Variants in ASTN2 observed in about 807,000 individuals in gnomAD.
ASTN2 encodes the protein astrotactin 2, also known as astrotactin-2.
A neutral mutation model predicts 139.8 loss-of-function variants in ASTN2; 54 were observed. The ratio of observed to expected loss-of-function variants is 0.39; its 90% confidence interval spans 0.31 to 0.48. The LOEUF (loss-of-function observed/expected upper bound fraction) is 0.48, where lower values mean the gene tolerates loss of function less well. Ranked by LOEUF, ASTN2 falls within the 20% of genes least tolerant of loss-of-function variation. The pLI is 0.95. For missense variants in ASTN2, 1,565 were observed against 1,725.1 expected, an observed-to-expected ratio of 0.91 and a Z score of 1.64; for synonymous variants, 756 against 719.5, an observed-to-expected ratio of 1.05 and a Z score of -0.81.
In ASTN2 at chr9:116,691,263, T is replaced by C. The variant is rs569540984; in HGVS notation, c.2806+34508A>G. Among the ~76,000 whole-genome samples, 4 of 152,280 alleles carry C rather than the reference T, an allele frequency of 2.6e-5. No individual in the cohort carries two copies. In the East Asian group the frequency reaches 7.7e-4, roughly 29 times the overall value. ...CTCATGATTAAATGAACAGATGTTA[T>C]ATGCAGAGAAAGGAATTGAAAGAGA... On this transcript the variant is annotated intron_variant, in intron 16 of 22. Coordinates refer to ENST00000313400, the MANE Select transcript of ASTN2 (RefSeq NM_001365068.1).
At chr9:116,816,078 C>A (rs1372613044) in intron 12 of ASTN2, among the ~76,000 whole-genome samples, 1 of 152,080 alleles carries the variant, frequency 6.6e-6, no homozygotes, top group Non-Finnish European at 1.5e-5. Flanking sequence ...TCATTTTGAG[C>A]TTCTGAAACC....
intron 13 of ASTN2, among the ~76,000 whole-genome samples, chr9:116,774,057 A>G (rs1290464022): frequency 6.6e-6 from 1 of 152,206 alleles, no homozygotes; most frequent in Non-Finnish European, 1.5e-5. Flanking sequence ...TGGTTTGTAC[A>G]TTTATTTGTA....
intron 7 of ASTN2, among the ~76,000 whole-genome samples, chr9:117,007,370 T>C (rs1436067795): frequency 2.0e-5 from 3 of 152,234 alleles, no homozygotes; most frequent in Non-Finnish European, 2.9e-5. Flanking sequence ...ATGAAGATAT[T>C]CTATATCTAT....
intron 13 of ASTN2, among the ~76,000 whole-genome samples, chr9:116,766,347 A>C (rs1176428075): frequency 6.6e-6 from 1 of 151,872 alleles, no homozygotes; most frequent in Admixed American, 6.6e-5. Flanking sequence ...ACACATTCAC[A>C]CTCATGCACA....
Position 117,414,788 on chromosome 9 carries a change from C to G in ASTN2, c.151G>C (p.Ala51Pro). Residue 51 changes from alanine to proline, a missense_variant, in exon 1 of 23, where the codon GCC becomes CCC. Transcript: ENST00000313400. This position sits in a 1 kb window ranked among gnomAD's most constrained non-coding sequence, Gnocchi z 4.2. Reference sequence around the variant, plus strand: ...GGCTCCCGCGAGGCAGCGGCGGTGGCGCCGGCCAGCAGCGGCGGCGGCGGC... The same window carrying G: ...GGCTCCCGCGAGGCAGCGGCGGTGGGGCCGGCCAGCAGCGGCGGCGGCGGC... ...LLPPPPLLAG[A>P]TAAASREPDS... is the part of the protein sequence containing the mutation. 1 of 1,247,456 alleles carries G rather than the reference C, an allele frequency of 8.0e-7. No homozygotes were observed. The highest frequency in any genetic ancestry group is 1.0e-6 in the Non-Finnish European group (1 of 995,280). 77.3% of individuals were successfully genotyped at this position (1,247,456 alleles called of 1,614,324 possible).
intron 10 of ASTN2, among the ~76,000 whole-genome samples, chr9:116,890,989 A>C (rs564982220): frequency 3.3e-5 from 5 of 152,330 alleles, no homozygotes; most frequent in African/African-American, 7.2e-5. Context: ...TCACATCAAC[A>C]AGGCAATTCT....
chr9:116,876,839 A>G (rs969018925), intron 10 of ASTN2, among the ~76,000 whole-genome samples: 3 of 152,344 alleles, frequency 2.0e-5, no homozygotes, highest in African/African-American at 4.8e-5. Context: ...AATAACTTTT[A>G]TATGCACTAG....
intron 10 of ASTN2, among the ~76,000 whole-genome samples, chr9:116,925,851 T>TACACA (rs903698243): frequency 6.1e-5 from 8 of 131,326 alleles, no homozygotes; most frequent in Admixed American, 5.1e-4. Context: ...TGCAAGGAGA[T>TACACA]ACACAACACA....
intron 13 of ASTN2, among the ~76,000 whole-genome samples, chr9:116,787,476 G>T (rs941023743): frequency 6.6e-6 from 1 of 152,124 alleles, no homozygotes; most frequent in Non-Finnish European, 1.5e-5. Flanking sequence ...TTTGTGGAAG[G>T]GTGGAAGCCC....
At chr9:116,830,973 C>G (rs1158314117) in intron 11 of ASTN2, among the ~76,000 whole-genome samples, 2 of 151,962 alleles carry the variant, frequency 1.3e-5, no homozygotes, top group Non-Finnish European at 2.9e-5. Flanking sequence ...TCCCTTCTCC[C>G]CACCCACCCA....
At chr9:117,380,448 T>C (rs1830236705) in intron 1 of ASTN2, among the ~76,000 whole-genome samples, 1 of 151,710 alleles carries the variant, frequency 6.6e-6, no homozygotes, top group African/African-American at 2.4e-5. Context: ...CTACTAAAAA[T>C]ACAAAAATTA....
chr9:116,693,771 AATG>A (rs1278546327), intron 16 of ASTN2, among the ~76,000 whole-genome samples: 2 of 152,176 alleles, frequency 1.3e-5, no homozygotes, highest in East Asian at 3.9e-4. Flanking sequence ...AAAGATTTGG[AATG>A]ATAAGACAAT....
At chr9:117,312,252 G>A (rs555865574) in intron 1 of ASTN2, among the ~76,000 whole-genome samples, 1 of 152,292 alleles carries the variant, frequency 6.6e-6, no homozygotes, top group South Asian at 2.1e-4. Flanking sequence ...TGACTAACAT[G>A]TAGGCTATTT....
chr9:117,403,379 C>T (rs1830892667), intron 1 of ASTN2, among the ~76,000 whole-genome samples: 1 of 152,200 alleles, frequency 6.6e-6, no homozygotes, highest in African/African-American at 2.4e-5. Flanking sequence ...TAGAATGGAG[C>T]TCTGTCCATT....
At position 116,487,211 on chromosome 9, in the gene ASTN2, C is replaced by T. The variant is rs190384991; in HGVS notation, c.3497+148G>A. On this transcript the variant is annotated intron_variant, in intron 20 of 22. Coordinates refer to ENST00000313400, the MANE Select transcript of ASTN2 (RefSeq NM_001365068.1). ...CATTGTGGCATACTTCTCAAATGGA[C>T]ACTTCTAAACCTTAGAATCTCAAGT... The T allele has an allele frequency of 2.1e-5, 21 of 1,021,266 alleles. No homozygotes were observed. The Admixed American group carries it at 4.8e-4, about 23-fold the overall frequency. 63.3% of individuals were successfully genotyped at this position (1,021,266 alleles called of 1,614,324 possible).
At chr9:116,975,182 G>C (rs371031916) in intron 10 of ASTN2, 26 bp downstream of exon 10, 1 of 1,582,784 alleles carries the variant, frequency 6.3e-7, no homozygotes. Flanking sequence ...AAGTACCTAT[G>C]CAGAGTACTG....
At chr9:116,893,692 T>G (rs1000255662) in intron 10 of ASTN2, among the ~76,000 whole-genome samples, 2 of 151,898 alleles carry the variant, frequency 1.3e-5, no homozygotes, top group African/African-American at 4.8e-5. Context: ...TCAACACCTC[T>G]CCCTCCCTCT....
chr9:117,137,613 C>T (rs541361378), intron 4 of ASTN2, among the ~76,000 whole-genome samples: 58 of 152,120 alleles, frequency 3.8e-4, no homozygotes, highest in Non-Finnish European at 7.5e-4. Flanking sequence ...ACAAAGCAGC[C>T]TAGCTTTCTG....
At chr9:116,781,233 C>G (rs1304392090) in intron 13 of ASTN2, among the ~76,000 whole-genome samples, 2 of 152,170 alleles carry the variant, frequency 1.3e-5, no homozygotes, top group Non-Finnish European at 2.9e-5. Flanking sequence ...TTCTACAAAA[C>G]AGCCCATGGA....
Sources: allele counts gnomAD v4.1 joint callset (sites outside exome capture counted in the v4.1 genomes callset), GRCh38; gene constraint gnomAD v4.1.1; non-coding constraint Gnocchi (gnomAD v3.1); transcripts MANE v1.5; gene names NCBI Gene and HGNC (gene_info 2026-07-23, HGNC 2026-07-21).